The following MCTP1 variants were observed in gnomAD, a reference collection of about 807,000 sequenced individuals.
MCTP1 encodes multiple C2 and transmembrane domain-containing protein 1.
MCTP1 carries 69 observed loss-of-function variants against 120.6 expected under a neutral mutation model. That is an observed-to-expected ratio of 0.57 (90% CI 0.47 to 0.70). The LOEUF is 0.70. Among genes scored for constraint, MCTP1 ranks in the 30% least tolerant of loss-of-function variants. The pLI is 0.00. For synonymous variants in MCTP1, 529 were observed against 493.1 expected (o/e 1.07, Z -0.96); for missense variants, 1,203 against 1,248.8 (o/e 0.96, Z 0.55).
intron 17 of MCTP1, among the ~76,000 whole-genome samples, chr5:94,841,275 C>T (rs914604474): frequency 1.4e-4 from 22 of 152,096 alleles, no homozygotes; most frequent in African/African-American, 3.1e-4. Context: ...TTGACAATCT[C>T]GGATACAAGG....
intron 1 of MCTP1, among the ~76,000 whole-genome samples, chr5:95,273,387 CAT>C (rs1020742622): frequency 3.3e-5 from 5 of 152,154 alleles, no homozygotes; most frequent in African/African-American, 1.2e-4. Flanking sequence ...CATATTTTAA[CAT>C]GTTTGCAGCA....
chr5:94,991,250 G>A (rs1831500402), intron 2 of MCTP1, among the ~76,000 whole-genome samples: 1 of 152,154 alleles, frequency 6.6e-6, no homozygotes, highest in Admixed American at 6.6e-5. Context: ...GAGCAATGAT[G>A]TTCTATTTGA....
chr5:94,868,308 T>C (rs745723169), intron 17 of MCTP1, 25 bp downstream of exon 17: 4 of 1,546,698 alleles, frequency 2.6e-6, no homozygotes, highest in Non-Finnish European at 2.6e-6. Flanking sequence ...TGAATAACAA[T>C]GTAAGTAATA....
intron 1 of MCTP1, among the ~76,000 whole-genome samples, chr5:95,179,933 G>A (rs1748421411): frequency 6.6e-6 from 1 of 151,966 alleles, no homozygotes; most frequent in Admixed American, 6.6e-5. Context: ...ATAAACTTAA[G>A]GTAAAGAGGT....
At chr5:94,982,956 G>A (rs1294414804) in intron 2 of MCTP1, among the ~76,000 whole-genome samples, 5 of 122,978 alleles carry the variant, frequency 4.1e-5, no homozygotes, top group Non-Finnish European at 9.4e-5. Flanking sequence ...TTCTTTAAGA[G>A]CAGAGAGTTT....
At chr5:94,848,957 A>G (rs1793088539) in intron 17 of MCTP1, among the ~76,000 whole-genome samples, 1 of 151,848 alleles carries the variant, frequency 6.6e-6, no homozygotes, top group Admixed American at 6.6e-5. Flanking sequence ...GTTTTGATAA[A>G]AGGTTAGTTC....
intron 1 of MCTP1, among the ~76,000 whole-genome samples, chr5:95,169,910 T>C (rs1746998060): frequency 1.3e-5 from 2 of 152,200 alleles, no homozygotes; most frequent in African/African-American, 4.8e-5. Context: ...TCTGCTCTGA[T>C]CTTAGTTATT....
At position 95,240,179 on chromosome 5, in the gene MCTP1, C is replaced by G. The variant is rs552315549; in HGVS notation, c.720+43677G>C. Among the ~76,000 whole-genome samples, 8 of 152,196 alleles carry G rather than the reference C, an allele frequency of 5.3e-5. No individual in the cohort carries two copies. The South Asian group carries it at 1.2e-3, about 24-fold the overall frequency. On this transcript the variant is annotated intron_variant, in intron 1 of 22. Transcript: ENST00000515393. ...AAATCAGTATCTCTTAATGTTTGTACAATTTGCCTATTTCTATTTAATTTT... is the reference window on the plus strand; with the variant it reads ...AAATCAGTATCTCTTAATGTTTGTAGAATTTGCCTATTTCTATTTAATTTT...
At chr5:95,217,407 A>G (rs1190640595) in intron 1 of MCTP1, among the ~76,000 whole-genome samples, 1 of 152,220 alleles carries the variant, frequency 6.6e-6, no homozygotes, top group African/African-American at 2.4e-5. Context: ...TTCAGTCAGA[A>G]CAACAAATAC....
chr5:94,887,958 C>G (rs1160182049), intron 12 of MCTP1, among the ~76,000 whole-genome samples: 1 of 152,152 alleles, frequency 6.6e-6, no homozygotes, highest in East Asian at 1.9e-4. Context: ...CACATTTCTT[C>G]CCTTGAAATA....
chr5:95,170,122 A>T (rs528836206), intron 1 of MCTP1, among the ~76,000 whole-genome samples: 1 of 152,032 alleles, frequency 6.6e-6, no homozygotes, highest in African/African-American at 2.4e-5. Context: ...CTTTGTTCTC[A>T]TTGGTTTCAA....
chr5:95,074,804 C>G (rs556751554), intron 1 of MCTP1, among the ~76,000 whole-genome samples: 30 of 152,278 alleles, frequency 2.0e-4, no homozygotes, highest in Middle Eastern at 3.4e-3. Flanking sequence ...TTAGGTCAAG[C>G]TTAAATTGAT....
intron 18 of MCTP1, among the ~76,000 whole-genome samples, chr5:94,795,189 CT>C (rs1480661595): frequency 2.2e-5 from 3 of 136,502 alleles, no homozygotes; most frequent in Non-Finnish European, 4.6e-5. Context: ...AGGAAGAGCT[CT>C]TGCAGCCATG....
chr5:95,106,899 T>C (rs1356978027), intron 1 of MCTP1, among the ~76,000 whole-genome samples: 1 of 152,212 alleles, frequency 6.6e-6, no homozygotes, highest in Non-Finnish European at 1.5e-5. Context: ...AACATAAAAC[T>C]GGCAGTATAT....
At chr5:95,163,297 T>C (rs934471793) in intron 1 of MCTP1, among the ~76,000 whole-genome samples, 1 of 152,190 alleles carries the variant, frequency 6.6e-6, no homozygotes, top group African/African-American at 2.4e-5. Context: ...GACAGATATA[T>C]ACTGTGACCT....
chr5:94,900,830 T>G, intron 10 of MCTP1, among the ~76,000 whole-genome samples: 1 of 152,202 alleles, frequency 6.6e-6, no homozygotes, highest in East Asian at 1.9e-4. Context: ...GAATGGAAAT[T>G]TTTAAAAAAA....
At chr5:94,931,339 T>C (rs1477155455) in intron 6 of MCTP1, 1 of 152,172 alleles carries the variant, frequency 6.6e-6, no homozygotes, top group African/African-American at 2.4e-5. Context: ...TTGTTTCATC[T>C]TGATATCGAT....
intron 1 of MCTP1, among the ~76,000 whole-genome samples, chr5:95,191,468 G>A (rs896360533): frequency 6.6e-6 from 1 of 151,938 alleles, no homozygotes; most frequent in Non-Finnish European, 1.5e-5. Context: ...TGAAGAAAAG[G>A]TTATTGATTT....
At chr5:95,258,653 C>A (rs1312020287) in intron 1 of MCTP1, among the ~76,000 whole-genome samples, 1 of 152,184 alleles carries the variant, frequency 6.6e-6, no homozygotes, top group Non-Finnish European at 1.5e-5. Flanking sequence ...AAACTAGGTA[C>A]AAAGTACATG....
Sources: allele counts gnomAD v4.1 joint callset (sites outside exome capture counted in the v4.1 genomes callset), GRCh38; gene constraint gnomAD v4.1.1; transcripts MANE v1.5; gene names NCBI Gene and HGNC (gene_info 2026-07-23, HGNC 2026-07-21).